R3HDM2: variants seen among roughly 807,000 people sequenced by gnomAD.
R3HDM2 encodes the protein R3H domain containing 2, also known as R3H domain-containing protein 2.
A neutral mutation model predicts 124.5 loss-of-function variants in R3HDM2; 38 were observed. That is an observed-to-expected ratio of 0.31 (90% CI 0.24 to 0.40). The LOEUF is 0.40. Among genes scored for constraint, R3HDM2 ranks in the 10% least tolerant of loss-of-function variants. The pLI, the probability that R3HDM2 is intolerant of heterozygous loss-of-function variation, is 1.00. For synonymous variants in R3HDM2, 391 were observed against 448.0 expected (o/e 0.87, Z 1.61); for missense variants, 869 against 1,236.9 (o/e 0.70, Z 4.46).
intron 2 of R3HDM2, among the ~76,000 whole-genome samples, chr12:57,349,379 C>CAAAAAAAAAAAAAAAAA (rs1161831845): frequency 3.5e-5 from 2 of 57,776 alleles, no homozygotes; most frequent in African/African-American, 9.3e-5. Context: ...ACTCCGTCTC[C>CAAAAAAAAAAAAAAAAA]AAAAAAAAAA....
intron 2 of R3HDM2, among the ~76,000 whole-genome samples, chr12:57,372,622 A>G (rs2063515043): frequency 6.6e-6 from 1 of 152,360 alleles, no homozygotes; most frequent in South Asian, 2.1e-4. Context: ...AAGAGCAGTT[A>G]TGATAGAGAA....
intron 14 of R3HDM2, among the ~76,000 whole-genome samples, chr12:57,279,651 T>C (rs755790487): frequency 6.6e-6 from 1 of 151,572 alleles, no homozygotes; most frequent in Non-Finnish European, 1.5e-5. Flanking sequence ...ATAATAATAA[T>C]AACAATACAT....
chr12:57,394,247 A>C (rs1296075968), intron 2 of R3HDM2, among the ~76,000 whole-genome samples: 1 of 151,922 alleles, frequency 6.6e-6, no homozygotes, highest in South Asian at 2.1e-4. Context: ...AAGTGAGCCG[A>C]GATCGCGCCA....
chr12:57,409,466 A>G (rs1293453592), intron 1 of R3HDM2, among the ~76,000 whole-genome samples: 1 of 151,660 alleles, frequency 6.6e-6, no homozygotes, highest in Non-Finnish European at 1.5e-5. Flanking sequence ...CTAACTGATA[A>G]AGTAGAGTGA....
chr12:57,411,099 AAGTT>A (rs1358066391), intron 1 of R3HDM2, among the ~76,000 whole-genome samples: 9 of 152,234 alleles, frequency 5.9e-5, no homozygotes, highest in African/African-American at 2.2e-4. Flanking sequence ...CACAACTAAT[AAGTT>A]AGTAAGTTAA....
chr12:57,312,945 A>AG (rs2054225941), intron 2 of R3HDM2, among the ~76,000 whole-genome samples: 1 of 151,638 alleles, frequency 6.6e-6, no homozygotes, highest in African/African-American at 2.4e-5. Flanking sequence ...AAAAAAAAAA[A>AG]AAAAAAGTCA....
intron 2 of R3HDM2, among the ~76,000 whole-genome samples, chr12:57,352,076 A>T (rs2060731713): frequency 6.6e-6 from 1 of 152,146 alleles, no homozygotes; most frequent in Non-Finnish European, 1.5e-5. Flanking sequence ...TTAACAGTGT[A>T]TCTATATTCT....
intron 2 of R3HDM2, among the ~76,000 whole-genome samples, chr12:57,382,491 C>T (rs2065045631): frequency 6.6e-6 from 1 of 150,670 alleles, no homozygotes; most frequent in Non-Finnish European, 1.5e-5. Context: ...AAGTAATCTG[C>T]CTGCCTCAGC....
At chr12:57,266,922 T>G in intron 18 of R3HDM2, 91 bp from the exon 19 acceptor site, 2 of 948,646 alleles carry the variant, frequency 2.1e-6, no homozygotes, top group Non-Finnish European at 1.6e-6. Flanking sequence ...TCCTCCCCTA[T>G]GGGAAGGAGA....
chr12:57,274,145 G>C (rs2044179696), intron 14 of R3HDM2, among the ~76,000 whole-genome samples: 1 of 151,912 alleles, frequency 6.6e-6, no homozygotes, highest in African/African-American at 2.4e-5. Flanking sequence ...AGTCTATCTT[G>C]GTTCAGGCAT....
intron 2 of R3HDM2, among the ~76,000 whole-genome samples, chr12:57,350,166 C>T (rs1356211042): frequency 3.3e-5 from 5 of 151,872 alleles, no homozygotes; most frequent in Non-Finnish European, 4.4e-5. Context: ...GCCGAGATCG[C>T]GCCACTGCAC....
intron 19 of R3HDM2, among the ~76,000 whole-genome samples, chr12:57,265,533 GAAAAGA>G (rs1181794117): frequency 1.4e-5 from 2 of 144,752 alleles, no homozygotes; most frequent in Non-Finnish European, 3.1e-5. Context: ...AAGAAAAAAA[GAAAAGA>G]AAAGAAAAGA....
At chr12:57,344,677 C>A (rs2059915465) in intron 2 of R3HDM2, among the ~76,000 whole-genome samples, 1 of 151,976 alleles carries the variant, frequency 6.6e-6, no homozygotes, top group African/African-American at 2.4e-5. Context: ...AATATAACAA[C>A]CAGAACATAA....
intron 6 of R3HDM2, among the ~76,000 whole-genome samples, chr12:57,298,687 C>T (rs12313762): frequency 0.19 from 28,274 of 150,426 alleles, 3,116 homozygotes; most frequent in Admixed American, 0.28. Context: ...CCAGGCCAGG[C>T]GCAGTGGCTC....
At position 57,298,108 on chromosome 12, in the gene R3HDM2, G is replaced by A. The variant is rs753022780; in HGVS notation, c.482C>T (p.Thr161Ile). 2.9e-5 allele frequency: 45 copies of A among 1,550,446 alleles called. No homozygotes were observed. The highest frequency in any genetic ancestry group is 3.8e-5 in the Non-Finnish European group (44 of 1,146,328). ...GIDLHEFLVN[T>I]LKKNPRDRMM... Reference sequence around the variant, plus strand: ...TTATTACCTTGGGTTCTTTTTCAGTGTATTTACAAGAAATTCATGTAGGTC... The same window carrying A: ...TTATTACCTTGGGTTCTTTTTCAGTATATTTACAAGAAATTCATGTAGGTC... The change falls in exon 7 of 24, where the codon ACA becomes ATA. Residue 161 changes from threonine (T) to isoleucine (I), a missense_variant. Coordinates refer to ENST00000402412, the MANE Select transcript of R3HDM2 (RefSeq NM_001394031.1).
intron 2 of R3HDM2, among the ~76,000 whole-genome samples, 178 bp downstream of exon 2, chr12:57,395,571 C>T (rs759666663): frequency 2.0e-5 from 3 of 152,042 alleles, no homozygotes; most frequent in Non-Finnish European, 4.4e-5. Flanking sequence ...TGAGCCACCT[C>T]GCCTGGCACT....
intron 18 of R3HDM2, chr12:57,267,056 T>A: frequency 2.3e-6 from 1 of 434,118 alleles, no homozygotes; most frequent in East Asian, 4.5e-5. Context: ...TAATCAGTGC[T>A]ACAGATGGAA....
chr12:57,326,167 T>A (rs2057292659), intron 2 of R3HDM2, among the ~76,000 whole-genome samples: 1 of 152,134 alleles, frequency 6.6e-6, no homozygotes, highest in African/African-American at 2.4e-5. Flanking sequence ...CTCTCCTTGG[T>A]CTCCCTATTC....
intron 10 of R3HDM2, among the ~76,000 whole-genome samples, chr12:57,294,610 A>G (rs193151890): frequency 6.6e-6 from 1 of 152,264 alleles, no homozygotes; most frequent in Admixed American, 6.5e-5. Flanking sequence ...AGCAAGATTA[A>G]TGTAGGCTCT....
Sources: gnomAD v4.1 joint callset for allele counts (sites outside exome capture counted in the v4.1 genomes callset) on GRCh38, gnomAD v4.1.1 for gene constraint, MANE v1.5 for transcripts, NCBI Gene and HGNC (gene_info 2026-07-23, HGNC 2026-07-21) for gene names.